MFSD8: variants seen among roughly 807,000 people sequenced by gnomAD.
MFSD8 encodes the protein major facilitator superfamily domain-containing protein 8.
A neutral mutation model predicts 66.4 loss-of-function variants in MFSD8; 55 were observed. The ratio of observed to expected loss-of-function variants is 0.83; its 90% CI spans 0.67 to 1.04. The LOEUF is 1.04. Among genes scored for constraint, MFSD8 ranks in the 50% least tolerant of loss-of-function variants. The pLI is 0.00. For missense variants in MFSD8, 550 were observed against 627.6 expected (o/e 0.88, Z 1.32); for synonymous variants, 202 against 212.8 (o/e 0.95, Z 0.44).
intron 5 of MFSD8, among the ~76,000 whole-genome samples, chr4:127,940,490 A>C (rs1739978170): frequency 6.8e-6 from 1 of 146,902 alleles, no homozygotes; most frequent in South Asian, 2.1e-4. Context: ...TTTAGACCAG[A>C]TATCTTAAAT....
chr4:127,933,200 TA>T (rs1326420021), intron 7 of MFSD8, 107 bp from the exon 8 acceptor site: 9 of 914,634 alleles, frequency 9.8e-6, no homozygotes, highest in African/African-American at 6.8e-5. Context: ...AATAAACATT[TA>T]AAAAAATTTT....
chr4:127,965,364 C>G, upstream of MFSD8: 1 of 612,780 alleles, frequency 1.6e-6, no homozygotes, highest in East Asian at 2.8e-5. Flanking sequence ...CGCCTCCCAT[C>G]CTGACGGGGA....
chr4:127,925,019 T>C (rs886982194), intron 9 of MFSD8, among the ~76,000 whole-genome samples: 5 of 152,112 alleles, frequency 3.3e-5, no homozygotes, highest in African/African-American at 1.2e-4. Flanking sequence ...TAAATGGTGT[T>C]GGGAAAACTG....
intron 9 of MFSD8, 72 bp downstream of exon 9, chr4:127,930,611 A>G: frequency 1.9e-6 from 3 of 1,538,996 alleles, no homozygotes; most frequent in Non-Finnish European, 2.7e-6. Context: ...TGGTATATCC[A>G]TTTGCATTGT....
chr4:127,946,126 C>G (rs558930107), intron 3 of MFSD8, among the ~76,000 whole-genome samples: 7 of 152,012 alleles, frequency 4.6e-5, no homozygotes, highest in African/African-American at 1.7e-4. Context: ...GGTCTTATAT[C>G]GTTACCCAGG....
intron 6 of MFSD8, 175 bp downstream of exon 6, chr4:127,939,678 T>C (rs1739810016): frequency 4.1e-6 from 2 of 483,896 alleles, no homozygotes; most frequent in East Asian, 7.0e-5. Flanking sequence ...ATTTATCAGG[T>C]TGTCTTTTGG....
intron 4 of MFSD8, among the ~76,000 whole-genome samples, 187 bp from the exon 5 acceptor site, chr4:127,942,345 C>T (rs1344475964): frequency 6.6e-6 from 1 of 152,064 alleles, no homozygotes; most frequent in Non-Finnish European, 1.5e-5. Context: ...ATGGACCATA[C>T]TAGTTTTGGT....
chr4:127,943,746 C>T lies in MFSD8; in HGVS notation c.439+6G>A. The T allele has an allele frequency of 6.2e-7, 1 of 1,614,038 alleles. No homozygotes were observed. Among genetic ancestry groups the T allele is most frequent in the South Asian group, 1.1e-5 (1 of 91,042 alleles). On this transcript the variant is annotated splice_donor_region_variant and intron_variant, in intron 4 of 11. Coordinates refer to ENST00000641686, the MANE Select transcript of MFSD8 (RefSeq NM_001371596.2). ...GACACAACCAAACATATACATACAA[C>T]CTTACCTGCTCCAATTCCCAACAAT... is the stretch of plus-strand genomic sequence containing the variant.
chr4:127,965,210 T>C (rs796052739), upstream of MFSD8: 3 of 1,577,464 alleles, frequency 1.9e-6, no homozygotes, highest in Admixed American at 1.8e-5. Flanking sequence ...GGCGTGAAGC[T>C]GGCAAAACAA....
intron 1 of MFSD8, among the ~76,000 whole-genome samples, chr4:127,959,543 T>G (rs1265290549): frequency 6.6e-6 from 1 of 152,182 alleles, no homozygotes; most frequent in Non-Finnish European, 1.5e-5. Flanking sequence ...TTCTTTGTTC[T>G]TGGGAGGTGC....
chr4:127,932,132 A>C (rs1738245588), intron 8 of MFSD8, among the ~76,000 whole-genome samples: 1 of 152,138 alleles, frequency 6.6e-6, no homozygotes. Context: ...AAAAAAGTTA[A>C]CACGATAAAT....
In MFSD8 at chr4:127,921,617, G is replaced by A. The variant is rs750743360; in HGVS notation, c.1257C>T (p.Phe419=). The change falls in exon 11 of 12, where the codon TTC becomes TTT. Residue 419 remains phenylalanine, a synonymous_variant. Coordinates refer to ENST00000641686, the MANE Select transcript of MFSD8 (RefSeq NM_001371596.2). ...ATCCTATTAGCACAGCTGATGTAAG[G>A]AACTGGGCCAGATGAATCACCGGGG... ...LYTPVIHLAQ[F]LTSAVLIGLG... The A allele has an allele frequency of 1.2e-6, 2 of 1,614,168 alleles. No individual in the cohort carries two copies. Among genetic ancestry groups the A allele is most frequent in the East Asian group, 2.2e-5 (1 of 44,888 alleles).
At chr4:127,939,627 A>C (rs1405560925) in intron 6 of MFSD8, 6 of 326,448 alleles carry the variant, frequency 1.8e-5, no homozygotes, top group African/African-American at 1.1e-4. Context: ...AAAAAAAAAA[A>C]AAAAACTTTG....
chr4:127,924,330 T>TCTCTGACG (rs1736846040), intron 9 of MFSD8, among the ~76,000 whole-genome samples: 4 of 152,144 alleles, frequency 2.6e-5, no homozygotes, highest in Admixed American at 2.6e-4. Flanking sequence ...GACGGTAGTT[T>TCTCTGACG]GTATTTCTGT....
chr4:127,938,592 A>AAATAAAT (rs1560744654), intron 7 of MFSD8, among the ~76,000 whole-genome samples, 191 bp downstream of exon 7: 2 of 131,010 alleles, frequency 1.5e-5, no homozygotes, highest in Non-Finnish European at 3.1e-5. Flanking sequence ...CAAAAAAAAA[A>AAATAAAT]AAATAAATAA....
intron 3 of MFSD8, among the ~76,000 whole-genome samples, chr4:127,945,809 C>A (rs1740937208): frequency 6.6e-6 from 1 of 151,720 alleles, no homozygotes; most frequent in African/African-American, 2.4e-5. Context: ...CATTTGTCAT[C>A]TCTACTAAAA....
chr4:127,938,460 G>A (rs983382906), intron 7 of MFSD8, among the ~76,000 whole-genome samples: 3 of 151,912 alleles, frequency 2.0e-5, no homozygotes, highest in African/African-American at 4.8e-5. Context: ...GCATGCGCCT[G>A]TAGTCCCAGC....
rs552923962 is a variant in MFSD8 at position 127,943,935 on chromosome 4, C to T, written c.256G>A (p.Gly86Ser). 15 of 1,614,052 alleles carry T rather than the reference C, an allele frequency of 9.3e-6. No homozygotes were observed. The East Asian group carries it at 3.1e-4, about 34-fold the overall frequency. Residue 86 changes from glycine (G) to serine (S), a missense_variant, in exon 4 of 12, where the codon GGC becomes AGC. Transcript: ENST00000641686. ...LGWVIASYSL[G>S]QMVASPIFGL... is the part of the protein sequence containing the mutation. ...AATATAGGTGAAGCTACCATTTGGC[C>T]AAGACTATATGAAGCAATAACCCAG... is the stretch of plus-strand genomic sequence containing the variant.
chr4:127,952,280 C>T (rs1284931995), intron 2 of MFSD8, among the ~76,000 whole-genome samples: 1 of 151,540 alleles, frequency 6.6e-6, no homozygotes, highest in Admixed American at 6.6e-5. Context: ...CGGCATGCAT[C>T]GTAGTCCCAG....
Sources: gnomAD v4.1 joint callset for allele counts (sites outside exome capture counted in the v4.1 genomes callset) on GRCh38, gnomAD v4.1.1 for gene constraint, MANE v1.5 for transcripts, NCBI Gene and HGNC (gene_info 2026-07-23, HGNC 2026-07-21) for gene names.